The following NAP1L4 variants were observed in gnomAD, a reference collection of about 807,000 sequenced individuals.
The protein encoded by NAP1L4 is nucleosome assembly protein 1 like 4.
In NAP1L4, 15 loss-of-function variants were observed where a neutral mutation model predicts 58.2. That is an observed-to-expected ratio of 0.26 (90% CI 0.17 to 0.40). The LOEUF (loss-of-function observed/expected upper bound fraction) is 0.40, where lower values mean the gene tolerates loss of function less well. Among genes scored for constraint, NAP1L4 ranks in the 10% least tolerant of loss-of-function variants. The pLI is 1.00. For synonymous variants in NAP1L4, 171 were observed against 155.6 expected (o/e 1.10, Z -0.74); for missense variants, 384 against 451.1 (o/e 0.85, Z 1.35).
At position 2,945,592 on chromosome 11, in the gene NAP1L4, C is replaced by T. The variant is rs142484647; in HGVS notation, c.*87G>A. On this transcript the variant is annotated 3_prime_UTR_variant, in exon 16 of 16. Transcript: ENST00000380542. ...GAGTCCCGACAGCCGGTCTGCCAGG[C>T]ACCCGCCTCCGCTTCCTACTGCTGC... 6.5e-7 allele frequency: 1 copy of T among 1,535,816 alleles called. No individual in the cohort carries two copies. The highest frequency in any genetic ancestry group is 1.2e-5 in the South Asian group (1 of 84,048).
chr11:2,945,718 T>G (rs998455257), intron 15 of NAP1L4, 72 bp from the exon 16 acceptor site: 2 of 1,295,428 alleles, frequency 1.5e-6, no homozygotes, highest in Non-Finnish European at 2.1e-6. Context: ...CAATCAACAA[T>G]GAAAGCCAAG....
rs936924451 is a variant in NAP1L4, at chr11:2,955,397, G to T, written c.915+347C>A. On this transcript the variant is annotated intron_variant, in intron 11 of 15. Transcript: ENST00000380542. The surrounding 1 kb of genome is among the most constrained non-coding windows in gnomAD (Gnocchi z 4.2). ...TTTTTGGTATTTTAAGCAGAAACGG[G>T]GTTTCACCATGTTGACCAGACTGGT... 6.6e-6 allele frequency among the ~76,000 whole-genome samples: 1 copy of T among 151,858 alleles called. No homozygotes were observed. The highest frequency in any genetic ancestry group is 1.5e-5 in the Non-Finnish European group (1 of 67,982).
intron 1 of NAP1L4, among the ~76,000 whole-genome samples, chr11:2,984,007 A>T (rs897572180): frequency 7.3e-5 from 11 of 151,428 alleles, no homozygotes; most frequent in Admixed American, 6.6e-4. Flanking sequence ...AAAAAAAAAA[A>T]ATGAGGCTGG....
At position 2,959,705 on chromosome 11, in the gene NAP1L4, A is replaced by G; in HGVS notation, c.746+65T>C. 1 of 1,587,696 alleles carries G rather than the reference A, an allele frequency of 6.3e-7. No individual in the cohort carries two copies. On this transcript the variant is annotated intron_variant, in intron 9 of 15. Coordinates refer to ENST00000380542, the MANE Select transcript of NAP1L4 (RefSeq NM_005969.4). This position sits in a 1 kb window ranked among gnomAD's most constrained non-coding sequence, Gnocchi z 4.9. ...TTTATTCCTTACTTCTATCTTACCC[A>G]TCAAGTTACAAAATTATCTTTTGAT...
At position 2,971,069 on chromosome 11, in the gene NAP1L4, G is replaced by C. The variant is rs771449673; in HGVS notation, c.402+379C>G. ...ATCCACTGGCGGAGCACCTCTCAGG[G>C]GGCAAGCTAGTCCATGCCACTGAGC... On this transcript the variant is annotated intron_variant, in intron 6 of 15. Coordinates refer to ENST00000380542, the MANE Select transcript of NAP1L4 (RefSeq NM_005969.4). The surrounding 1 kb of genome is among the most constrained non-coding windows in gnomAD (Gnocchi z 4.2). Among the ~76,000 whole-genome samples, 1 of 152,180 alleles carries C rather than the reference G, an allele frequency of 6.6e-6. No homozygotes were observed. The highest frequency in any genetic ancestry group is 1.5e-5 in the Non-Finnish European group (1 of 68,030).
chr11:2,958,090 G>A (rs1306606667), intron 10 of NAP1L4: 11 of 525,596 alleles, frequency 2.1e-5, no homozygotes, highest in East Asian at 1.5e-4. Flanking sequence ...CAGCCCAGGT[G>A]CAAATACTCG....
chr11:2,963,204 C>T (rs548292770), intron 8 of NAP1L4, among the ~76,000 whole-genome samples: 8 of 151,026 alleles, frequency 5.3e-5, no homozygotes, highest in South Asian at 2.1e-4. Context: ...AAGTTAATTG[C>T]GTCTGGATGA....
At chr11:2,972,041 G>A (rs768173338) in intron 5 of NAP1L4, 61 bp downstream of exon 5, 88 of 1,440,326 alleles carry the variant, frequency 6.1e-5, no homozygotes, top group Admixed American at 5.8e-4. Flanking sequence ...TGGGTTTATC[G>A]GAACCTAACA....
intron 1 of NAP1L4, among the ~76,000 whole-genome samples, chr11:2,985,542 A>C (rs972842493): frequency 1.3e-5 from 2 of 152,228 alleles, no homozygotes; most frequent in Non-Finnish European, 2.9e-5. Context: ...ACAATGTATC[A>C]CATAATTGAA....
rs1229547448 is a variant in NAP1L4 at position 2,955,600 on chromosome 11, C to T, written c.915+144G>A. 6.6e-6 allele frequency: 5 copies of T among 759,134 alleles called. No individual in the cohort carries two copies. The highest frequency in any genetic ancestry group is 8.7e-6 in the Non-Finnish European group (4 of 461,146). 47.0% of individuals were successfully genotyped at this position (759,134 alleles called of 1,614,324 possible). ...CTCCTGGACTCGTGCAGTCCTCCCA[C>T]CTCAGCCTCCCAAAGCATTAAGATC... On this transcript the variant is annotated intron_variant, in intron 11 of 15. Coordinates refer to ENST00000380542, the MANE Select transcript of NAP1L4 (RefSeq NM_005969.4). The surrounding 1 kb of genome is among the most constrained non-coding windows in gnomAD (Gnocchi z 4.2).
In NAP1L4 at chr11:2,971,874, A is replaced by T. The variant is rs1847657987; in HGVS notation, c.315+228T>A. Among the ~76,000 whole-genome samples the T allele has an allele frequency of 6.6e-6, 1 of 152,210 alleles. No homozygotes were observed. The highest frequency in any genetic ancestry group is 1.5e-5 in the Non-Finnish European group (1 of 68,050). ...TGTGTAGGGTTCAATACATTACGCG[A>T]GATACTCAGCACTTTATTATAAAAT... is the stretch of plus-strand genomic sequence containing the variant. On this transcript the variant is annotated intron_variant, in intron 5 of 15. Transcript: ENST00000380542. The surrounding 1 kb of genome is among the most constrained non-coding windows in gnomAD (Gnocchi z 4.2).
chr11:2,954,683 T>G lies in NAP1L4; in HGVS notation c.916-37A>C, dbSNP rs538226044. 1 of 1,613,948 alleles carries G rather than the reference T, an allele frequency of 6.2e-7. No individual in the cohort carries two copies. The highest frequency in any genetic ancestry group is 2.2e-5 in the East Asian group (1 of 44,886). On this transcript the variant is annotated intron_variant, in intron 11 of 15. Coordinates refer to ENST00000380542, the MANE Select transcript of NAP1L4 (RefSeq NM_005969.4). This position sits in a 1 kb window ranked among gnomAD's most constrained non-coding sequence, Gnocchi z 4.8. ...AAACCTACGTGTTAACTCATTTTAA[T>G]GGGATAAAAACATTCACTTCACCAC... is the stretch of plus-strand genomic sequence containing the variant.
chr11:2,989,602 A>C (rs954415486), intron 1 of NAP1L4, among the ~76,000 whole-genome samples: 7 of 152,228 alleles, frequency 4.6e-5, no homozygotes, highest in Admixed American at 4.6e-4. Context: ...TACATATTTG[A>C]GGTCACCTCC....
intron 1 of NAP1L4, among the ~76,000 whole-genome samples, chr11:2,984,391 G>A (rs899889122): frequency 1.2e-4 from 18 of 151,998 alleles, no homozygotes; most frequent in African/African-American, 4.4e-4. Flanking sequence ...TGACCAACAC[G>A]GAGAAACCCG....
In NAP1L4 at chr11:2,951,834, T is replaced by C; in HGVS notation, c.1036-25A>G. The C allele has an allele frequency of 2.5e-6, 4 of 1,613,256 alleles. No homozygotes were observed. Among genetic ancestry groups the C allele is most frequent in the Non-Finnish European group, 2.5e-6 (3 of 1,179,276 alleles). ...ACTGGAGAAACACAGAAAAACATTT[T>C]TAGGTTTACAAAACATGACAGCAGC... On this transcript the variant is annotated intron_variant, in intron 12 of 15. Coordinates refer to ENST00000380542, the MANE Select transcript of NAP1L4 (RefSeq NM_005969.4). This position sits in a 1 kb window ranked among gnomAD's most constrained non-coding sequence, Gnocchi z 4.0.
chr11:2,963,984 G>C, intron 8 of NAP1L4: 1 of 482,812 alleles, frequency 2.1e-6, no homozygotes. Context: ...GGCTGACCTA[G>C]TCAAGCTTAT....
chr11:2,976,953 G>A (rs745844996), intron 3 of NAP1L4, among the ~76,000 whole-genome samples: 2 of 149,416 alleles, frequency 1.3e-5, no homozygotes, highest in African/African-American at 5.1e-5. Flanking sequence ...GTACATACCC[G>A]AGTATTCTCC....
Position 2,949,718 on chromosome 11 carries a change from T to C in NAP1L4, c.1123-454A>G, listed in dbSNP as rs1399660987. Among the ~76,000 whole-genome samples, 1 of 152,242 alleles carries C rather than the reference T, an allele frequency of 6.6e-6. No individual in the cohort carries two copies. The highest frequency in any genetic ancestry group is 1.5e-5 in the Non-Finnish European group (1 of 68,040). On this transcript the variant is annotated intron_variant, in intron 14 of 15. Transcript: ENST00000380542. The surrounding 1 kb of genome is among the most constrained non-coding windows in gnomAD (Gnocchi z 4.0). Reference sequence around the variant, plus strand: ...ATGTGTAATCCACCACATCATGTTCTCTGTAATGGCTGGTGAGAATGCTCT... The same window carrying C: ...ATGTGTAATCCACCACATCATGTTCCCTGTAATGGCTGGTGAGAATGCTCT...
chr11:2,979,088 C>T lies in NAP1L4; in HGVS notation c.14+119G>A, dbSNP rs1412011617. On this transcript the variant is annotated intron_variant, in intron 2 of 15. Transcript: ENST00000380542. ...TCAAATACATACACAAGAAATGAGC[C>T]ATCAGCTAGACGCTGAAATGCATTT... 1.4e-5 allele frequency: 14 copies of T among 998,486 alleles called. No individual in the cohort carries two copies. The African/African-American group carries it at 2.2e-4, about 15-fold the overall frequency. 61.9% of individuals were successfully genotyped at this position (998,486 alleles called of 1,614,324 possible).
Sources: allele counts gnomAD v4.1 joint callset (sites outside exome capture counted in the v4.1 genomes callset), GRCh38; gene constraint gnomAD v4.1.1; non-coding constraint Gnocchi (gnomAD v3.1); transcripts MANE v1.5; gene names NCBI Gene and HGNC (gene_info 2026-07-23, HGNC 2026-07-21).